Variants in ZMYND11 observed in about 807,000 individuals in gnomAD.
The protein encoded by ZMYND11 is zinc finger MYND domain-containing protein 11.
A neutral mutation model predicts 84.9 loss-of-function variants in ZMYND11; 9 were observed. The ratio of observed to expected loss-of-function variants is 0.11; its 90% CI spans 0.06 to 0.18. ZMYND11 has a LOEUF of 0.18. Among genes scored for constraint, ZMYND11 ranks in the 10% least tolerant of loss-of-function variants. The pLI, the probability that ZMYND11 is intolerant of heterozygous loss-of-function variation, is 1.00. For synonymous variants in ZMYND11, 250 were observed against 244.1 expected, an observed-to-expected ratio of 1.02 and a Z score of -0.23; for missense variants, 409 against 761.0, an observed-to-expected ratio of 0.54 and a Z score of 5.44.
At chr10:133,101 C>T (rs1399700242), upstream of ZMYND11, among the ~76,000 whole-genome samples, 3 of 152,168 alleles carry the variant, frequency 2.0e-5, no homozygotes, top group Non-Finnish European at 4.4e-5. Flanking sequence ...GTTTTAATGG[C>T]CTCTTGGTAT....
chr10:143,743 A>G (rs1554754490), intron 1 of ZMYND11, among the ~76,000 whole-genome samples: 1 of 152,200 alleles, frequency 6.6e-6, no homozygotes, highest in African/African-American at 2.4e-5. Flanking sequence ...TTTATTTCAC[A>G]ATACTTATTT....
chr10:202,823 A>G (rs765335680), intron 2 of ZMYND11, among the ~76,000 whole-genome samples: 4 of 152,232 alleles, frequency 2.6e-5, no homozygotes, highest in Non-Finnish European at 5.9e-5. Context: ...TGAGCCCAAC[A>G]TGCTAGGACT....
chr10:217,064 G>A (rs922456062), intron 3 of ZMYND11, among the ~76,000 whole-genome samples: 1 of 152,122 alleles, frequency 6.6e-6, no homozygotes, highest in African/African-American at 2.4e-5. Context: ...TCATTAAGTA[G>A]AAAGAGTAAA....
intron 1 of ZMYND11, among the ~76,000 whole-genome samples, chr10:142,071 T>C (rs1269784126): frequency 2.0e-5 from 3 of 152,246 alleles, no homozygotes; most frequent in Non-Finnish European, 2.9e-5. Flanking sequence ...CTGGGTTTAA[T>C]CATGAGAGTT....
At chr10:142,107 T>C (rs1216312707) in intron 1 of ZMYND11, among the ~76,000 whole-genome samples, 1 of 152,160 alleles carries the variant, frequency 6.6e-6, no homozygotes, top group African/African-American at 2.4e-5. Context: ...ATTTGTGTTA[T>C]TTGTGTTTTG....
intron 4 of ZMYND11, among the ~76,000 whole-genome samples, chr10:229,962 TATA>T (rs1223578313): frequency 6.6e-5 from 10 of 152,222 alleles, no homozygotes; most frequent in Admixed American, 2.6e-4. Context: ...AGATCTCCTC[TATA>T]ATCTCAGAAC....
chr10:221,975 CT>C lies in ZMYND11; in HGVS notation c.438+620del, dbSNP rs566549789. Among the ~76,000 whole-genome samples, 367 of 152,210 alleles carry C rather than the reference CT, an allele frequency of 2.4e-3. 1 individual carries two copies. The highest frequency in any genetic ancestry group is 7.8e-3 in the African/African-American group (326 of 41,542). The stretch of plus-strand genomic sequence containing the variant: ...TTGATCCCACTGAGGAATATACATA[CT>C]GTGATTGTTAGTTGCAGAATGTGGT... On this transcript the variant is annotated intron_variant, in intron 4 of 14. Coordinates refer to ENST00000381604, the MANE Select transcript of ZMYND11 (RefSeq NM_001370100.5).
At chr10:203,846 TAC>T (rs1943671371) in intron 2 of ZMYND11, among the ~76,000 whole-genome samples, 2 of 152,198 alleles carry the variant, frequency 1.3e-5, no homozygotes, top group South Asian at 4.1e-4. Flanking sequence ...ACATCAGTTA[TAC>T]AGTGTTTTGA....
At chr10:224,729 A>C (rs1444314131) in intron 4 of ZMYND11, among the ~76,000 whole-genome samples, 1 of 152,184 alleles carries the variant, frequency 6.6e-6, no homozygotes, top group Non-Finnish European at 1.5e-5. Flanking sequence ...ACAGTACCCC[A>C]GAATGACCTT....
chr10:170,417 T>G (rs1205118100), intron 1 of ZMYND11, among the ~76,000 whole-genome samples: 1 of 118,718 alleles, frequency 8.4e-6, no homozygotes, highest in African/African-American at 3.2e-5. Context: ...TAACTGTGTA[T>G]TTGATTATGT....
chr10:144,600 A>T (rs1156362587), intron 1 of ZMYND11, among the ~76,000 whole-genome samples: 1 of 147,006 alleles, frequency 6.8e-6, no homozygotes, highest in African/African-American at 2.5e-5. Flanking sequence ...GTAATTTAGC[A>T]TAGTGGTTCT....
At chr10:211,966 A>G (rs909290597) in intron 3 of ZMYND11, among the ~76,000 whole-genome samples, 5 of 152,226 alleles carry the variant, frequency 3.3e-5, no homozygotes, top group Non-Finnish European at 4.4e-5. Flanking sequence ...TAAAATTTCT[A>G]ATCTTAAAAC....
At chr10:215,855 C>A (rs2496277) in intron 3 of ZMYND11, among the ~76,000 whole-genome samples, 1 of 152,150 alleles carries the variant, frequency 6.6e-6, no homozygotes. Flanking sequence ...ACCATGCCTA[C>A]ACCTTTTTAA....
At chr10:180,272 G>A (rs1393835931) in intron 2 of ZMYND11, 144 bp downstream of exon 2, 1 of 562,276 alleles carries the variant, frequency 1.8e-6, no homozygotes, top group Non-Finnish European at 3.1e-6. Context: ...AGTATTATTA[G>A]AAAAACAAAC....
intron 1 of ZMYND11, among the ~76,000 whole-genome samples, chr10:159,689 A>G (rs1351489059): frequency 1.3e-5 from 2 of 152,042 alleles, no homozygotes; most frequent in Non-Finnish European, 2.9e-5. Context: ...TGCCTATTCA[A>G]TTTGTCACTT....
At chr10:139,892 A>G (rs1169937979) in intron 1 of ZMYND11, among the ~76,000 whole-genome samples, 2 of 151,832 alleles carry the variant, frequency 1.3e-5, no homozygotes, top group Non-Finnish European at 2.9e-5. Context: ...TTGTATTTTT[A>G]GTAGAGTTGG....
At chr10:243,593 C>T (rs1391790074) in intron 10 of ZMYND11, among the ~76,000 whole-genome samples, 3 of 152,164 alleles carry the variant, frequency 2.0e-5, no homozygotes, top group Admixed American at 6.5e-5. Context: ...AGGCCAGGCA[C>T]GGTGGCTCAC....
chr10:183,526 A>AT (rs1848318039), intron 2 of ZMYND11, among the ~76,000 whole-genome samples: 1 of 152,178 alleles, frequency 6.6e-6, no homozygotes, highest in African/African-American at 2.4e-5. Flanking sequence ...ATAATCATCC[A>AT]ATCTATCTTT....
chr10:199,700 T>G (rs1942670399), intron 2 of ZMYND11, among the ~76,000 whole-genome samples: 1 of 152,188 alleles, frequency 6.6e-6, no homozygotes, highest in African/African-American at 2.4e-5. Flanking sequence ...CCTAAAGTGC[T>G]GGGATTATAG....
Sources: allele counts gnomAD v4.1 joint callset (sites outside exome capture counted in the v4.1 genomes callset), GRCh38; gene constraint gnomAD v4.1.1; transcripts MANE v1.5; gene names NCBI Gene and HGNC (gene_info 2026-07-23, HGNC 2026-07-21).